CACNA2D3: variants seen among roughly 807,000 people sequenced by gnomAD.
CACNA2D3 encodes the protein voltage-dependent calcium channel subunit alpha-2/delta-3.
CACNA2D3 carries 60 observed loss-of-function variants against 160.6 expected under a neutral mutation model. The ratio of observed to expected loss-of-function variants is 0.37; its 90% CI spans 0.30 to 0.46. The LOEUF is 0.46. Ranked by LOEUF, CACNA2D3 falls within the 20% of genes least tolerant of loss-of-function variation. The pLI is 1.00. For missense variants in CACNA2D3, 1,205 were observed against 1,365.0 expected (o/e 0.88, Z 1.85); for synonymous variants, 558 against 492.9 (o/e 1.13, Z -1.75).
chr3:54,866,984 G>T (rs760647423), intron 17 of CACNA2D3, among the ~76,000 whole-genome samples: 2 of 152,070 alleles, frequency 1.3e-5, no homozygotes, highest in African/African-American at 4.8e-5. Flanking sequence ...CGTAAAACAG[G>T]CACCAAAAAC....
chr3:54,452,639 C>T (rs1372826800), intron 4 of CACNA2D3, among the ~76,000 whole-genome samples: 3 of 152,196 alleles, frequency 2.0e-5, no homozygotes, highest in Non-Finnish European at 2.9e-5. Flanking sequence ...GTCACAGCAG[C>T]ACTTCACTTC....
chr3:54,152,563 AG>A (rs762120265), intron 2 of CACNA2D3, among the ~76,000 whole-genome samples: 10 of 152,184 alleles, frequency 6.6e-5, no homozygotes, highest in Non-Finnish European at 1.2e-4. Context: ...CCCAGGGAGC[AG>A]TGGCCTGGGC....
At chr3:54,234,867 G>A (rs1701844765) in intron 2 of CACNA2D3, among the ~76,000 whole-genome samples, 1 of 152,120 alleles carries the variant, frequency 6.6e-6, no homozygotes, top group Non-Finnish European at 1.5e-5. Flanking sequence ...TGAGTGGGGA[G>A]GGTGAGAGGA....
intron 34 of CACNA2D3, among the ~76,000 whole-genome samples, chr3:55,010,027 A>G (rs1463619185): frequency 6.6e-6 from 1 of 152,190 alleles, no homozygotes; most frequent in African/African-American, 2.4e-5. Flanking sequence ...CACAATGGGG[A>G]AAAATAATAT....
At chr3:54,572,033 A>G (rs1015849359) in intron 8 of CACNA2D3, among the ~76,000 whole-genome samples, 9 of 151,770 alleles carry the variant, frequency 5.9e-5, no homozygotes, top group African/African-American at 2.2e-4. Flanking sequence ...ACCCGCAAGG[A>G]GAGTATGTTG....
intron 29 of CACNA2D3, among the ~76,000 whole-genome samples, chr3:54,970,554 C>T (rs1354564359): frequency 1.4e-5 from 2 of 142,660 alleles, no homozygotes; most frequent in East Asian, 2.1e-4. Context: ...TCCTCCCCTC[C>T]GTTCCTCACC....
chr3:54,976,336 T>TG (rs926084183), intron 29 of CACNA2D3, among the ~76,000 whole-genome samples: 1 of 40,124 alleles, frequency 2.5e-5, no homozygotes, highest in Non-Finnish European at 4.8e-5. Flanking sequence ...TGTTGTGGGG[T>TG]GGGGGGAGGG....
At chr3:54,975,537 A>AC (rs1211572933) in intron 29 of CACNA2D3, among the ~76,000 whole-genome samples, 3 of 150,938 alleles carry the variant, frequency 2.0e-5, no homozygotes, top group African/African-American at 4.9e-5. Context: ...AAAAAAAAAA[A>AC]AAAAAAAAAA....
intron 4 of CACNA2D3, among the ~76,000 whole-genome samples, chr3:54,496,801 A>G (rs1701210390): frequency 6.6e-6 from 1 of 152,150 alleles, no homozygotes; most frequent in Non-Finnish European, 1.5e-5. Flanking sequence ...TCTCAAATTC[A>G]TATGTGTATG....
At chr3:54,860,069 G>A (rs1034412629) in intron 17 of CACNA2D3, among the ~76,000 whole-genome samples, 4 of 151,384 alleles carry the variant, frequency 2.6e-5, no homozygotes, top group African/African-American at 9.7e-5. Flanking sequence ...GCTAAGGAAT[G>A]CTCAAGCTGG....
chr3:55,044,338 C>CTA (rs1174548553), intron 35 of CACNA2D3, among the ~76,000 whole-genome samples: 1 of 152,104 alleles, frequency 6.6e-6, no homozygotes, highest in Non-Finnish European at 1.5e-5. Flanking sequence ...AACGTTATAC[C>CTA]TATTTCTTGT....
At chr3:54,596,369 C>T (rs370826281) in intron 9 of CACNA2D3, among the ~76,000 whole-genome samples, 17 of 152,274 alleles carry the variant, frequency 1.1e-4, no homozygotes, top group African/African-American at 3.6e-4. Context: ...GGAAGCACAG[C>T]TGCTTAGAGG....
At chr3:54,870,004 G>A (rs1699489284) in intron 17 of CACNA2D3, among the ~76,000 whole-genome samples, 2 of 152,200 alleles carry the variant, frequency 1.3e-5, no homozygotes, top group African/African-American at 2.4e-5. Context: ...TGGGCTCACC[G>A]TTGATCAGGG....
intron 3 of CACNA2D3, among the ~76,000 whole-genome samples, chr3:54,333,289 G>T (rs6769262): frequency 0.11 from 17,090 of 152,100 alleles, 1,059 homozygotes; most frequent in South Asian, 0.21. Flanking sequence ...CACCTGGCTT[G>T]GTGGGTGCTA....
chr3:54,204,018 C>G (rs1239640043), intron 2 of CACNA2D3, among the ~76,000 whole-genome samples: 1 of 152,044 alleles, frequency 6.6e-6, no homozygotes, highest in Non-Finnish European at 1.5e-5. Context: ...CTGCCTGCTC[C>G]TGTATCCAAA....
chr3:54,909,384 A>G (rs1263366367), intron 27 of CACNA2D3, among the ~76,000 whole-genome samples: 1 of 151,946 alleles, frequency 6.6e-6, no homozygotes, highest in Non-Finnish European at 1.5e-5. Flanking sequence ...ATCCAGGCAA[A>G]TCTCCTAGTG....
At chr3:54,132,378 A>G (rs907029203) in intron 2 of CACNA2D3, among the ~76,000 whole-genome samples, 7 of 152,226 alleles carry the variant, frequency 4.6e-5, no homozygotes, top group Non-Finnish European at 2.9e-5. Context: ...TTTTATATAC[A>G]TGGGTTGTTT....
At chr3:54,132,257 T>C (rs1357416028) in intron 2 of CACNA2D3, among the ~76,000 whole-genome samples, 1 of 152,276 alleles carries the variant, frequency 6.6e-6, no homozygotes, top group Non-Finnish European at 1.5e-5. Flanking sequence ...GTTGGAATGC[T>C]ATTGTCATTT....
At chr3:54,686,407 A>C (rs927153386) in intron 11 of CACNA2D3, among the ~76,000 whole-genome samples, 2 of 152,218 alleles carry the variant, frequency 1.3e-5, no homozygotes, top group Admixed American at 1.3e-4. Flanking sequence ...AAGGATATAA[A>C]TTTGTTAGTC....
Sources: gnomAD v4.1 joint callset for allele counts (sites outside exome capture counted in the v4.1 genomes callset) on GRCh38, gnomAD v4.1.1 for gene constraint, MANE v1.5 for transcripts, NCBI Gene and HGNC (gene_info 2026-07-23, HGNC 2026-07-21) for gene names.